DLC1: variants seen among roughly 807,000 people sequenced by gnomAD.
DLC1 encodes DLC1 Rho GTPase activating protein.
DLC1 carries 54 observed loss-of-function variants against 140.3 expected under a neutral mutation model. The ratio of observed to expected loss-of-function variants is 0.38; its 90% CI spans 0.31 to 0.48. DLC1 has a LOEUF of 0.48. Ranked by LOEUF, DLC1 falls within the 20% of genes least tolerant of loss-of-function variation. The pLI is 0.96. For missense variants in DLC1, 2,536 were observed against 1,907.0 expected (o/e 1.33, Z -6.14); for synonymous variants, 986 against 728.1 (o/e 1.35, Z -5.70).
chr8:13,207,428 A>G (rs1356384626), intron 5 of DLC1, among the ~76,000 whole-genome samples: 1 of 152,190 alleles, frequency 6.6e-6, no homozygotes, highest in Non-Finnish European at 1.5e-5. Context: ...AAAATCAAGT[A>G]TTAAACTGCA....
At chr8:13,219,352 T>A (rs1310472626) in intron 5 of DLC1, among the ~76,000 whole-genome samples, 1 of 145,288 alleles carries the variant, frequency 6.9e-6, no homozygotes, top group Admixed American at 6.9e-5. Flanking sequence ...ATAAATCATA[T>A]AGTTATATAA....
intron 1 of DLC1, among the ~76,000 whole-genome samples, chr8:13,533,375 G>A (rs1343750862): frequency 1.3e-5 from 2 of 152,068 alleles, no homozygotes; most frequent in Non-Finnish European, 2.9e-5. Context: ...ATATTTTGAA[G>A]CCCCAGTCAA....
rs565766046 is a variant in DLC1 at position 13,477,485 on chromosome 8, C to T, written c.1023+21564G>A. ...GTAGGGCTTCAAATTTTAACAAGGA[C>T]TAATCGCAGAGGATTTAAAAATGCA... On this transcript the variant is annotated intron_variant, in intron 2 of 17. Coordinates refer to ENST00000276297, the MANE Select transcript of DLC1 (RefSeq NM_182643.3). Among the ~76,000 whole-genome samples the T allele has an allele frequency of 2.0e-5, 3 of 152,222 alleles. No individual in the cohort carries two copies. The East Asian group carries it at 5.8e-4, about 29-fold the overall frequency.
chr8:13,422,822 G>C (rs1050214433), intron 2 of DLC1, among the ~76,000 whole-genome samples: 1 of 151,906 alleles, frequency 6.6e-6, no homozygotes, highest in African/African-American at 2.4e-5. Flanking sequence ...AATGCGTCCA[G>C]TGTTTGAGCA....
In DLC1 at chr8:13,276,677, T is replaced by C. The variant is rs556012460; in HGVS notation, c.1348+28592A>G. The C allele has an allele frequency of 9.6e-5, 97 of 1,005,492 alleles. 2 individuals are homozygous for C. In the South Asian group the frequency reaches 3.9e-3, roughly 40 times the overall value. The allele number at this position is 1,005,492 out of a possible 1,614,324, so 62.3% of individuals were successfully genotyped here. ...CTATCCGGAGGCGTCTCGCTTCCTGTGCAACCCAATGACTCACCTGGGTCC... is the reference window on the plus strand; with the variant it reads ...CTATCCGGAGGCGTCTCGCTTCCTGCGCAACCCAATGACTCACCTGGGTCC... On this transcript the variant is annotated intron_variant, in intron 5 of 17. Transcript: ENST00000276297.
intron 5 of DLC1, among the ~76,000 whole-genome samples, chr8:13,195,287 AT>A (rs1826984083): frequency 6.6e-6 from 1 of 151,966 alleles, no homozygotes; most frequent in Non-Finnish European, 1.5e-5. Context: ...TGACAAATGT[AT>A]TTTGTCAGCA....
chr8:13,347,904 A>G (rs1458843927), intron 4 of DLC1, among the ~76,000 whole-genome samples: 1 of 152,158 alleles, frequency 6.6e-6, no homozygotes, highest in Admixed American at 6.6e-5. Flanking sequence ...CCTGGCTAAC[A>G]CAGTGAAACC....
intron 5 of DLC1, among the ~76,000 whole-genome samples, chr8:13,217,140 T>C (rs1422950552): frequency 6.6e-6 from 1 of 152,164 alleles, no homozygotes; most frequent in Non-Finnish European, 1.5e-5. Context: ...AGTTCTAAAA[T>C]TTAAAGAAAT....
At chr8:13,396,753 T>A (rs1286554964) in intron 3 of DLC1, among the ~76,000 whole-genome samples, 3 of 152,150 alleles carry the variant, frequency 2.0e-5, no homozygotes, top group African/African-American at 7.2e-5. Context: ...CAATGTGTAG[T>A]TTAGTACAAA....
chr8:13,557,862 C>G (rs1804102777), intron 1 of DLC1: 1 of 152,114 alleles, frequency 6.6e-6, no homozygotes, highest in Non-Finnish European at 1.5e-5. Flanking sequence ...AGACAAATCT[C>G]TAAATTTTAT....
At chr8:13,131,361 A>C (rs1191557334) in intron 5 of DLC1, among the ~76,000 whole-genome samples, 2 of 152,190 alleles carry the variant, frequency 1.3e-5, no homozygotes, top group Non-Finnish European at 2.9e-5. Flanking sequence ...AAAAAATGTA[A>C]TCTGAGACTC....
chr8:13,389,772 T>TTA (rs1836670918), intron 4 of DLC1, among the ~76,000 whole-genome samples: 1 of 152,144 alleles, frequency 6.6e-6, no homozygotes, highest in South Asian at 2.1e-4. Context: ...TCTGTGGTTG[T>TTA]TACTGTGGTC....
chr8:13,393,093 C>T (rs893182494), intron 4 of DLC1, among the ~76,000 whole-genome samples: 2 of 152,022 alleles, frequency 1.3e-5, no homozygotes, highest in Admixed American at 6.6e-5. Flanking sequence ...CTACATCTAT[C>T]TCTATCATCT....
intron 4 of DLC1, among the ~76,000 whole-genome samples, chr8:13,393,288 C>T (rs1055243577): frequency 6.7e-6 from 1 of 149,540 alleles, no homozygotes; most frequent in Non-Finnish European, 1.5e-5. Context: ...CTCTTTAAAG[C>T]TCTGAGTATC....
intron 5 of DLC1, among the ~76,000 whole-genome samples, chr8:13,303,162 C>G (rs1040763680): frequency 2.0e-4 from 31 of 152,146 alleles, no homozygotes; most frequent in Admixed American, 9.8e-4. Context: ...CTCCAGAAAT[C>G]TAAATAGAAA....
chr8:13,519,939 G>T (rs1190169892), intron 1 of DLC1, among the ~76,000 whole-genome samples: 1 of 152,214 alleles, frequency 6.6e-6, no homozygotes, highest in African/African-American at 2.4e-5. Context: ...TTTCATGCCA[G>T]TTAGAATGGC....
chr8:13,171,817 G>A (rs888336532), intron 5 of DLC1, among the ~76,000 whole-genome samples: 12 of 152,158 alleles, frequency 7.9e-5, no homozygotes, highest in South Asian at 4.1e-4. Context: ...AAACCCTTGG[G>A]GACGTCAGTG....
chr8:13,444,545 A>T (rs914582648), intron 2 of DLC1, among the ~76,000 whole-genome samples: 1 of 152,220 alleles, frequency 6.6e-6, no homozygotes, highest in Non-Finnish European at 1.5e-5. Context: ...GGTGCATTCT[A>T]CACTACGAAA....
At chr8:13,497,531 C>A (rs551250195) in intron 2 of DLC1, among the ~76,000 whole-genome samples, 1 of 152,224 alleles carries the variant, frequency 6.6e-6, no homozygotes, top group East Asian at 1.9e-4. Context: ...CAAAAGGCAA[C>A]CATGCTATAG....
Sources: allele counts gnomAD v4.1 joint callset (sites outside exome capture counted in the v4.1 genomes callset), GRCh38; gene constraint gnomAD v4.1.1; transcripts MANE v1.5; gene names NCBI Gene and HGNC (gene_info 2026-07-23, HGNC 2026-07-21).